The following PPP6R3 variants were observed in gnomAD, a reference collection of about 807,000 sequenced individuals.
PPP6R3 encodes protein phosphatase 6 regulatory subunit 3.
In PPP6R3, 38 loss-of-function variants were observed where a neutral mutation model predicts 110.7. The ratio of observed to expected loss-of-function variants is 0.34; its 90% confidence interval spans 0.26 to 0.45. PPP6R3 has a LOEUF of 0.45. PPP6R3 is among the 20% of genes least tolerant of loss of function. PPP6R3 has a pLI of 1.00. For synonymous variants in PPP6R3, 369 were observed against 373.5 expected (o/e 0.99, Z 0.14); for missense variants, 870 against 1,062.4 (o/e 0.82, Z 2.52).
chr11:68,534,972 G>T (rs2099262242), intron 2 of PPP6R3, among the ~76,000 whole-genome samples: 1 of 151,872 alleles, frequency 6.6e-6, no homozygotes, highest in Non-Finnish European at 1.5e-5. Context: ...TTTTCTACTT[G>T]TTAGTTGTAT....
intron 6 of PPP6R3, among the ~76,000 whole-genome samples, chr11:68,553,239 A>G (rs2099387614): frequency 6.6e-6 from 1 of 151,692 alleles, no homozygotes; most frequent in South Asian, 2.1e-4. Context: ...CACTGAGAGA[A>G]GGCTTAATAT....
rs192531336 is a variant in PPP6R3, at chr11:68,588,367, G to T, written c.1730+343G>T. On this transcript the variant is annotated intron_variant, in intron 16 of 23. Coordinates refer to ENST00000393800, the MANE Select transcript of PPP6R3 (RefSeq NM_001164161.2). ...TATAAAAAATTAGCCAGTTGTGGTG[G>T]CAGGCACCTGTAATCCCAGCTACTC... Among the ~76,000 whole-genome samples the T allele has an allele frequency of 3.8e-3, 584 of 152,184 alleles. 4 individuals are homozygous for T. Among genetic ancestry groups the T allele is most frequent in the African/African-American group, 0.013 (536 of 41,532 alleles).
intron 23 of PPP6R3, among the ~76,000 whole-genome samples, chr11:68,611,299 T>C: frequency 6.6e-6 from 1 of 152,230 alleles, no homozygotes; most frequent in Non-Finnish European, 1.5e-5. Flanking sequence ...ATCGTCCAGG[T>C]CTATCCCAGT....
At chr11:68,583,918 GCTT>G (rs1460080723) in intron 15 of PPP6R3, among the ~76,000 whole-genome samples, 3 of 152,112 alleles carry the variant, frequency 2.0e-5, no homozygotes, top group Admixed American at 1.3e-4. Flanking sequence ...TTGTTGCTTG[GCTT>G]CTTTTTTTTA....
intron 14 of PPP6R3, among the ~76,000 whole-genome samples, chr11:68,579,121 A>T (rs956688215): frequency 2.0e-5 from 3 of 152,242 alleles, no homozygotes; most frequent in Non-Finnish European, 2.9e-5. Context: ...TGCCTGTATT[A>T]ATCACCAGGA....
In PPP6R3 at chr11:68,462,145, C is replaced by T. The variant is rs557936731; in HGVS notation, c.-158+1318C>T. 9.1e-4 allele frequency among the ~76,000 whole-genome samples: 138 copies of T among 152,268 alleles called. 2 individuals carry two copies. The South Asian group carries it at 0.026, about 29-fold the overall frequency. ...AGCTGTGCCTGGCACATACAGTCAC[C>T]TCAGTGGCTGATTAGTGGTTAGGCT... is the stretch of plus-strand genomic sequence containing the variant. On this transcript the variant is annotated intron_variant, in intron 1 of 23. Coordinates refer to ENST00000393800, the MANE Select transcript of PPP6R3 (RefSeq NM_001164161.2).
rs1190987269 is a variant in PPP6R3, at chr11:68,614,592, C to T, written c.*1475C>T. On this transcript the variant is annotated 3_prime_UTR_variant, in exon 24 of 24. Transcript: ENST00000393800. Reference sequence around the variant, plus strand: ...ATATGGAAATAAAAGAATCAAACGTCTAATGCCTTATTATTTCTGATTTCC... The same window carrying T: ...ATATGGAAATAAAAGAATCAAACGTTTAATGCCTTATTATTTCTGATTTCC... 2 of 1,505,262 alleles carry T rather than the reference C, an allele frequency of 1.3e-6. No individual in the cohort carries two copies. The highest frequency in any genetic ancestry group is 1.8e-6 in the Non-Finnish European group (2 of 1,134,444). The allele number at this position is 1,505,262 out of a possible 1,614,324, so 93.2% of individuals were successfully genotyped here.
chr11:68,545,600 C>G (rs1164565145), intron 4 of PPP6R3, among the ~76,000 whole-genome samples: 1 of 152,214 alleles, frequency 6.6e-6, no homozygotes, highest in Non-Finnish European at 1.5e-5. Flanking sequence ...ACTTGGTTCT[C>G]TAAGTGTGGT....
intron 1 of PPP6R3, among the ~76,000 whole-genome samples, chr11:68,500,305 G>A (rs1158146256): frequency 1.3e-5 from 2 of 151,456 alleles, no homozygotes; most frequent in Non-Finnish European, 2.9e-5. Context: ...TTTGTATATG[G>A]GTTCCTCATT....
intron 5 of PPP6R3, 89 bp downstream of exon 5, chr11:68,548,293 G>A: frequency 6.6e-7 from 1 of 1,519,584 alleles, no homozygotes; most frequent in Non-Finnish European, 8.9e-7. Context: ...AGGAATGCAT[G>A]GGATTAGGGT....
intron 1 of PPP6R3, among the ~76,000 whole-genome samples, chr11:68,462,935 C>T (rs528445676): frequency 4.8e-4 from 73 of 152,250 alleles, no homozygotes; most frequent in African/African-American, 1.7e-3. Flanking sequence ...GAACTCTAGC[C>T]TTTGTGTAAA....
chr11:68,544,268 A>G (rs915227049), intron 3 of PPP6R3, among the ~76,000 whole-genome samples: 1 of 152,170 alleles, frequency 6.6e-6, no homozygotes, highest in African/African-American at 2.4e-5. Context: ...TTGGTAGCCC[A>G]GGCTGATGTC....
chr11:68,600,174 T>TA (rs1260326396), intron 19 of PPP6R3, among the ~76,000 whole-genome samples, 167 bp from the exon 20 acceptor site: 1 of 152,328 alleles, frequency 6.6e-6, no homozygotes, highest in Non-Finnish European at 1.5e-5. Flanking sequence ...GGATCATTGT[T>TA]AGAGTGCCCT....
At chr11:68,533,635 G>T (rs2099253061) in intron 2 of PPP6R3, among the ~76,000 whole-genome samples, 1 of 149,782 alleles carries the variant, frequency 6.7e-6, no homozygotes, top group Admixed American at 6.7e-5. Context: ...AGTCCTGGAG[G>T]CAGAGGTTGT....
intron 21 of PPP6R3, among the ~76,000 whole-genome samples, chr11:68,602,805 C>G (rs1309333941): frequency 6.6e-6 from 1 of 152,120 alleles, no homozygotes; most frequent in African/African-American, 2.4e-5. Flanking sequence ...GGTTCCTTGT[C>G]CAAGTAGTCT....
chr11:68,533,075 TTAGAG>T (rs964332057), intron 2 of PPP6R3, among the ~76,000 whole-genome samples: 10 of 152,206 alleles, frequency 6.6e-5, no homozygotes, highest in African/African-American at 2.4e-4. Context: ...TCTGTGTAGT[TTAGAG>T]TAGTTATATT....
At chr11:68,584,062 A>G (rs922645385) in intron 15 of PPP6R3, among the ~76,000 whole-genome samples, 1 of 152,240 alleles carries the variant, frequency 6.6e-6, no homozygotes, top group Non-Finnish European at 1.5e-5. Context: ...ATACTCAGAC[A>G]GTTTAGAGTT....
chr11:68,503,231 C>T (rs1010182863), intron 1 of PPP6R3, among the ~76,000 whole-genome samples: 1 of 152,170 alleles, frequency 6.6e-6, no homozygotes, highest in African/African-American at 2.4e-5. Flanking sequence ...CGTGAGCCAC[C>T]GTGCCCGGCC....
intron 2 of PPP6R3, among the ~76,000 whole-genome samples, chr11:68,530,470 A>G (rs1384556510): frequency 2.0e-5 from 3 of 152,118 alleles, no homozygotes; most frequent in Middle Eastern, 3.2e-3. Context: ...TGCTTCTCCT[A>G]TTTTGTTCTG....
Sources: gnomAD v4.1 joint callset for allele counts (sites outside exome capture counted in the v4.1 genomes callset) on GRCh38, gnomAD v4.1.1 for gene constraint, MANE v1.5 for transcripts, NCBI Gene and HGNC (gene_info 2026-07-23, HGNC 2026-07-21) for gene names.